Variants in OPHN1 observed in about 807,000 individuals in gnomAD.
OPHN1 encodes oligophrenin 1.
OPHN1 carries 11 observed loss-of-function variants against 60.7 expected under a neutral mutation model. The ratio of observed to expected loss-of-function variants is 0.18; its 90% CI spans 0.11 to 0.30. OPHN1 has a LOEUF of 0.30. Ranked by LOEUF, OPHN1 falls within the 10% of genes least tolerant of loss-of-function variation. The pLI, the probability that OPHN1 is intolerant of heterozygous loss-of-function variation, is 1.00. For synonymous variants in OPHN1, 226 were observed against 222.6 expected, an observed-to-expected ratio of 1.02 and a Z score of -0.14; for missense variants, 449 against 611.0, an observed-to-expected ratio of 0.73 and a Z score of 2.80.
At chrX:68,327,811 A>T (rs781220167) in intron 2 of OPHN1, among the ~76,000 whole-genome samples, 7 of 101,008 alleles carry the variant, frequency 6.9e-5, no homozygotes, top group South Asian at 3.8e-4. Context: ...AAAAAAAAAA[A>T]AAAAAATTTT....
chrX:68,254,290 G>C (rs192274974), intron 5 of OPHN1, among the ~76,000 whole-genome samples: 248 of 111,365 alleles, frequency 2.2e-3, no homozygotes, highest in African/African-American at 7.9e-3. Flanking sequence ...GGTCTTTGAG[G>C]CAATCTCTCT....
At chrX:68,267,397 T>C (rs1331822661) in intron 5 of OPHN1, among the ~76,000 whole-genome samples, 2 of 111,777 alleles carry the variant, frequency 1.8e-5, no homozygotes, top group Admixed American at 9.5e-5. Context: ...CTCAACTACA[T>C]GGAAACTGAA....
Position 68,279,064 on chromosome X carries a change from A to C in OPHN1, c.312+3992T>G, listed in dbSNP as rs779916933. ...AGGCAAGCTTCATAATCATATAAGA[A>C]GTGTGCAATTCAGACTTTTCAAGGC... On this transcript the variant is annotated intron_variant, in intron 4 of 24. Coordinates refer to ENST00000355520, the MANE Select transcript of OPHN1 (RefSeq NM_002547.3). Among the ~76,000 whole-genome samples, 166 of 97,478 alleles carry C rather than the reference A, an allele frequency of 1.7e-3. 1 individual carries two copies. The highest frequency in any genetic ancestry group is 5.8e-3 in the African/African-American group (153 of 26,314). The allele number at this position is 97,478 out of a possible 115,157, so 84.6% of individuals were successfully genotyped here.
intron 2 of OPHN1, among the ~76,000 whole-genome samples, chrX:68,402,948 T>C (rs1376613605): frequency 9.0e-6 from 1 of 111,692 alleles, no homozygotes; most frequent in Admixed American, 9.6e-5. Context: ...CAGAGAGGTG[T>C]AATCTGAGGT....
At chrX:68,431,680 G>A (rs1304206876) in intron 2 of OPHN1, among the ~76,000 whole-genome samples, 1 of 108,087 alleles carries the variant, frequency 9.3e-6, no homozygotes, top group Non-Finnish European at 1.9e-5. Context: ...CACCCGCCTT[G>A]GCCTCCCAAA....
chrX:68,260,131 G>T (rs1796303075), intron 5 of OPHN1, among the ~76,000 whole-genome samples: 1 of 109,564 alleles, frequency 9.1e-6, no homozygotes, highest in Admixed American at 9.8e-5. Flanking sequence ...ACCCTTGAAA[G>T]CCCCTTTGTG....
chrX:68,298,544 T>C (rs1357128962), intron 3 of OPHN1, among the ~76,000 whole-genome samples: 3 of 111,607 alleles, frequency 2.7e-5, no homozygotes, highest in Non-Finnish European at 5.6e-5. Context: ...ATACAACTAA[T>C]AGAGTGAGTT....
chrX:68,157,840 A>G (rs772515171), intron 15 of OPHN1, among the ~76,000 whole-genome samples: 1 of 113,164 alleles, frequency 8.8e-6, no homozygotes, highest in African/African-American at 3.2e-5. Context: ...TAACGATGGC[A>G]AAGAAAGGAT....
At position 68,299,519 on chromosome X, in the gene OPHN1, G is replaced by A. The variant is rs929951862; in HGVS notation, c.155-423C>T. ...CAAAGTCCCAGAGCTTGGTGGCAAA[G>A]CTGGAAATAGAAGCCAGGTGGTCTG... On this transcript the variant is annotated intron_variant, in intron 2 of 24. Transcript: ENST00000355520. Among the ~76,000 whole-genome samples, 3 of 111,640 alleles carry A rather than the reference G, an allele frequency of 2.7e-5. No homozygotes were observed. The East Asian group carries it at 8.5e-4, about 32-fold the overall frequency.
At chrX:68,134,738 C>A (rs2077212310) in intron 15 of OPHN1, among the ~76,000 whole-genome samples, 1 of 109,990 alleles carries the variant, frequency 9.1e-6, no homozygotes, top group Non-Finnish European at 1.9e-5. Flanking sequence ...ACCTTTGTAT[C>A]AGTTATTAAA....
intron 2 of OPHN1, among the ~76,000 whole-genome samples, chrX:68,389,025 GCTCACTGCCACCTTGAC>G (rs1313268794): frequency 1.9e-5 from 2 of 107,909 alleles, no homozygotes; most frequent in African/African-American, 6.7e-5. Context: ...TGTAATCATG[GCTCACTGCCACCTTGAC>G]CTCCCGAGCT....
intron 6 of OPHN1, among the ~76,000 whole-genome samples, chrX:68,222,561 A>T (rs1366822585): frequency 9.8e-6 from 1 of 102,226 alleles, no homozygotes; most frequent in Non-Finnish European, 2.0e-5. Flanking sequence ...TGGATTAAGA[A>T]AATGTGGCAC....
intron 19 of OPHN1, among the ~76,000 whole-genome samples, chrX:68,086,815 A>T (rs1351287594): frequency 3.6e-5 from 4 of 111,548 alleles, no homozygotes; most frequent in Non-Finnish European, 3.8e-5. Context: ...ACTCATAGAC[A>T]GACTAGATCA....
At chrX:68,220,666 G>A (rs1378786351) in intron 6 of OPHN1, among the ~76,000 whole-genome samples, 2 of 89,219 alleles carry the variant, frequency 2.2e-5, no homozygotes, top group East Asian at 3.7e-4. Flanking sequence ...TATAAACAGA[G>A]CCAAAGACAA....
intron 21 of OPHN1, 36 bp downstream of exon 21, chrX:68,063,818 T>C: frequency 9.2e-7 from 1 of 1,090,825 alleles, no homozygotes; most frequent in Non-Finnish European, 1.2e-6. Flanking sequence ...GTAGTTAGGG[T>C]CAGCTCTGGC....
intron 2 of OPHN1, among the ~76,000 whole-genome samples, chrX:68,367,852 C>G (rs67476592): frequency 0.31 from 34,249 of 110,430 alleles, 7,754 homozygotes; most frequent in African/African-American, 0.81. Flanking sequence ...TCTGTGAAGA[C>G]GTGTCTTCGG....
intron 15 of OPHN1, among the ~76,000 whole-genome samples, chrX:68,135,254 TTA>T (rs1187974892): frequency 4.5e-5 from 5 of 110,773 alleles, no homozygotes; most frequent in African/African-American, 1.7e-4. Flanking sequence ...CACATTTTCA[TTA>T]TATAGTGTTA....
chrX:68,336,642 CTATG>C (rs2078323798), intron 2 of OPHN1, among the ~76,000 whole-genome samples: 1 of 103,220 alleles, frequency 9.7e-6, no homozygotes, highest in Non-Finnish European at 1.9e-5. Flanking sequence ...ATATTAAACT[CTATG>C]TGTGTACGTG....
intron 3 of OPHN1, among the ~76,000 whole-genome samples, chrX:68,293,631 A>G (rs2078080383): frequency 8.9e-6 from 1 of 112,295 alleles, no homozygotes. Flanking sequence ...GATGCACAGA[A>G]TAAAAGAACT....
Sources: allele counts gnomAD v4.1 joint callset (sites outside exome capture counted in the v4.1 genomes callset), GRCh38; gene constraint gnomAD v4.1.1; transcripts MANE v1.5; gene names NCBI Gene and HGNC (gene_info 2026-07-23, HGNC 2026-07-21).